The following SLC20A2 variants were observed in gnomAD, a reference collection of about 807,000 sequenced individuals.
SLC20A2 encodes sodium-dependent phosphate transporter 2.
A neutral mutation model predicts 61.0 loss-of-function variants in SLC20A2; 30 were observed. The observed-to-expected ratio is 0.49, with a 90% CI of 0.37 to 0.67. SLC20A2 has a LOEUF of 0.67. Ranked by LOEUF, SLC20A2 falls within the 30% of genes least tolerant of loss-of-function variation. SLC20A2 has a pLI of 0.00. For synonymous variants in SLC20A2, 351 were observed against 353.3 expected, an observed-to-expected ratio of 0.99 and a Z score of 0.07; for missense variants, 626 against 866.4, an observed-to-expected ratio of 0.72 and a Z score of 3.48.
At chr8:42,527,888 A>T (rs1812077499) in intron 1 of SLC20A2, among the ~76,000 whole-genome samples, 1 of 152,238 alleles carries the variant, frequency 6.6e-6, no homozygotes, top group Admixed American at 6.5e-5. Context: ...GCCTATTATA[A>T]ATCTATTTGT....
At chr8:42,441,327 T>C (rs886746179) in intron 6 of SLC20A2, among the ~76,000 whole-genome samples, 1 of 150,634 alleles carries the variant, frequency 6.6e-6, no homozygotes, top group Non-Finnish European at 1.5e-5. Context: ...ACTAATTTTG[T>C]ATATTTAGTA....
chr8:42,444,908 T>C lies in SLC20A2; in HGVS notation c.614-146A>G, dbSNP rs538859224. On this transcript the variant is annotated intron_variant, in intron 5 of 10. Coordinates refer to ENST00000520262, the MANE Select transcript of SLC20A2 (RefSeq NM_001257180.2). ...AACTCTCAACTAAAAAAACATGCTATACTTTTTGGAGTAGAAAGCTGTATG... is the reference window on the plus strand; with the variant it reads ...AACTCTCAACTAAAAAAACATGCTACACTTTTTGGAGTAGAAAGCTGTATG... The C allele has an allele frequency of 1.2e-3, 744 of 604,436 alleles. 2 individuals are homozygous for C. The highest frequency in any genetic ancestry group is 1.8e-3 in the Non-Finnish European group (620 of 336,034). 37.4% of individuals were successfully genotyped at this position (604,436 alleles called of 1,614,324 possible). A position where few individuals can be genotyped will look rare whatever the true frequency, so the allele number is the denominator to read the frequency against.
rs541778561 is a variant in SLC20A2, at chr8:42,462,903, T to C, written c.516+102A>G. ...TGCAGGGTGCTGTGCCTTGACAATG[T>C]ATGAATACAATTATTCCTCTAACCC... On this transcript the variant is annotated intron_variant, in intron 4 of 10. Coordinates refer to ENST00000520262, the MANE Select transcript of SLC20A2 (RefSeq NM_001257180.2). The C allele has an allele frequency of 1.3e-4, 84 of 629,988 alleles. 2 individuals carry two copies. In the South Asian group the frequency reaches 1.9e-3, roughly 15 times the overall value. The allele number at this position is 629,988 out of a possible 1,614,324, so 39.0% of individuals were successfully genotyped here.
intron 8 of SLC20A2, among the ~76,000 whole-genome samples, chr8:42,432,072 T>C (rs1803911629): frequency 6.6e-6 from 1 of 152,194 alleles, no homozygotes; most frequent in Non-Finnish European, 1.5e-5. Context: ...GAAATACACT[T>C]TGTAGGGCTA....
chr8:42,497,822 GGACTCACA>G (rs1284684553), intron 1 of SLC20A2, among the ~76,000 whole-genome samples: 2 of 151,456 alleles, frequency 1.3e-5, no homozygotes, highest in East Asian at 3.9e-4. Context: ...ACGGGGGGAG[GGACTCACA>G]GACTCACAGA....
chr8:42,487,943 T>C (rs1809164347), intron 1 of SLC20A2, among the ~76,000 whole-genome samples: 1 of 152,176 alleles, frequency 6.6e-6, no homozygotes, highest in South Asian at 2.1e-4. Flanking sequence ...ATTCTACCCT[T>C]AGTCTCTATG....
intron 10 of SLC20A2, among the ~76,000 whole-genome samples, chr8:42,421,739 G>A (rs1479461156): frequency 6.6e-6 from 1 of 152,184 alleles, no homozygotes; most frequent in Non-Finnish European, 1.5e-5. Context: ...GGGAGGTGGA[G>A]GTTGTGGTGA....
intron 5 of SLC20A2, 107 bp from the exon 6 acceptor site, chr8:42,444,869 T>G (rs1805086186): frequency 4.1e-6 from 3 of 732,862 alleles, no homozygotes; most frequent in Non-Finnish European, 7.1e-6. Flanking sequence ...TCACCTGGAT[T>G]TTGTAGTGAA....
At chr8:42,511,616 G>A (rs1451799742) in intron 1 of SLC20A2, among the ~76,000 whole-genome samples, 2 of 149,240 alleles carry the variant, frequency 1.3e-5, no homozygotes, top group Non-Finnish European at 3.0e-5. Context: ...GACAGAGCAA[G>A]ACTCCATCTC....
chr8:42,462,516 A>T (rs1240727335), intron 4 of SLC20A2, among the ~76,000 whole-genome samples: 1 of 151,740 alleles, frequency 6.6e-6, no homozygotes, highest in Non-Finnish European at 1.5e-5. Context: ...TTTAGACAAG[A>T]TGTACCCAAT....
At position 42,533,942 on chromosome 8, in the gene SLC20A2, G is replaced by A. The variant is rs186495602; in HGVS notation, c.-265+7879C>T. Among the ~76,000 whole-genome samples, 174 of 118,758 alleles carry A rather than the reference G, an allele frequency of 1.5e-3. 2 individuals carry two copies. Among genetic ancestry groups the A allele is most frequent in the Admixed American group, 3.9e-3 (46 of 11,886 alleles). 77.9% of individuals were successfully genotyped at this position (118,758 alleles called of 152,430 possible). On this transcript the variant is annotated intron_variant, in intron 1 of 10. Coordinates refer to the SLC20A2 transcript ENST00000342228. ...CACGCCACCATGCCCGGCCCTGTTC[G>A]TTACTTACAAAAACTTCTCCCTCTC...
chr8:42,510,267 T>C (rs1810955756), intron 1 of SLC20A2, among the ~76,000 whole-genome samples: 1 of 152,226 alleles, frequency 6.6e-6, no homozygotes, highest in Admixed American at 6.5e-5. Flanking sequence ...TAAGTAACAT[T>C]TTCCTGCAAT....
chr8:42,435,545 C>T (rs533774486), intron 8 of SLC20A2, among the ~76,000 whole-genome samples: 10 of 152,204 alleles, frequency 6.6e-5, no homozygotes, highest in African/African-American at 2.4e-4. Flanking sequence ...AGCTGTAAGA[C>T]GACAGCAGAG....
At chr8:42,421,666 T>TG (rs1489918178) in intron 10 of SLC20A2, among the ~76,000 whole-genome samples, 1 of 152,072 alleles carries the variant, frequency 6.6e-6, no homozygotes, top group Non-Finnish European at 1.5e-5. Flanking sequence ...TAGCTGGGTG[T>TG]GGTGCTGCAC....
At chr8:42,479,631 G>C (rs1808406816) in intron 1 of SLC20A2, among the ~76,000 whole-genome samples, 1 of 152,112 alleles carries the variant, frequency 6.6e-6, no homozygotes, top group Non-Finnish European at 1.5e-5. Context: ...TTCAAGACCA[G>C]ACTGGCCAAC....
At chr8:42,445,807 C>T (rs377256034) in intron 5 of SLC20A2, among the ~76,000 whole-genome samples, 14 of 152,298 alleles carry the variant, frequency 9.2e-5, no homozygotes, top group African/African-American at 3.1e-4. Context: ...GCCCAGCCCA[C>T]CTGCGGCAGG....
At chr8:42,501,717 C>A (rs145000700), upstream of SLC20A2, among the ~76,000 whole-genome samples, 1 of 152,338 alleles carries the variant, frequency 6.6e-6, no homozygotes, top group East Asian at 1.9e-4. Flanking sequence ...CTGCACCTCC[C>A]AAGGAGTCGC....
At chr8:42,532,940 T>C (rs748046634) in intron 1 of SLC20A2, among the ~76,000 whole-genome samples, 12 of 152,042 alleles carry the variant, frequency 7.9e-5, no homozygotes, top group South Asian at 4.2e-4. Flanking sequence ...GGCTGAATCA[T>C]GGAGAAGGGA....
intron 10 of SLC20A2, among the ~76,000 whole-genome samples, chr8:42,422,384 G>C (rs1803107378): frequency 6.6e-6 from 1 of 152,138 alleles, no homozygotes; most frequent in South Asian, 2.1e-4. Flanking sequence ...TCAGCATCTT[G>C]CTTAAAGTTT....
Sources: gnomAD v4.1 joint callset for allele counts (sites outside exome capture counted in the v4.1 genomes callset) on GRCh38, gnomAD v4.1.1 for gene constraint, MANE v1.5 for transcripts, NCBI Gene and HGNC (gene_info 2026-07-23, HGNC 2026-07-21) for gene names.